FBXO21: variants seen among roughly 807,000 people sequenced by gnomAD.
FBXO21 encodes F-box protein 21, also known as F-box only protein 21.
In FBXO21, 32 loss-of-function variants were observed where a neutral mutation model predicts 76.6. The ratio of observed to expected loss-of-function variants is 0.42; its 90% CI spans 0.32 to 0.56. The LOEUF (loss-of-function observed/expected upper bound fraction) is 0.56, where lower values mean the gene tolerates loss of function less well. Ranked by LOEUF, FBXO21 falls within the 20% of genes least tolerant of loss-of-function variation. The probability of loss-of-function intolerance (pLI) is 0.16; values close to 1 mark genes in which losing one functional copy is unlikely to be tolerated. For missense variants in FBXO21, 586 were observed against 797.3 expected, an observed-to-expected ratio of 0.73 and a Z score of 3.19; for synonymous variants, 328 against 311.5, an observed-to-expected ratio of 1.05 and a Z score of -0.56.
At chr12:117,187,016 T>C (rs1187874535) in intron 2 of FBXO21, among the ~76,000 whole-genome samples, 1 of 152,028 alleles carries the variant, frequency 6.6e-6, no homozygotes, top group Non-Finnish European at 1.5e-5. Flanking sequence ...CTTGGGAGGC[T>C]GAGGCAGGAG....
intron 11 of FBXO21, among the ~76,000 whole-genome samples, chr12:117,147,527 G>A (rs1165636593): frequency 1.3e-5 from 2 of 150,160 alleles, no homozygotes; most frequent in Non-Finnish European, 3.0e-5. Context: ...GAACCTGGGA[G>A]GCGGAGGTTG....
intron 11 of FBXO21, among the ~76,000 whole-genome samples, chr12:117,147,157 G>A (rs1343936348): frequency 2.0e-5 from 3 of 151,788 alleles, no homozygotes; most frequent in South Asian, 2.1e-4. Flanking sequence ...CAGGAAAATC[G>A]CTTGAACCTG....
At chr12:117,179,304 G>C (rs1364507666) in intron 3 of FBXO21, among the ~76,000 whole-genome samples, 1 of 152,108 alleles carries the variant, frequency 6.6e-6, no homozygotes, top group Non-Finnish European at 1.5e-5. Context: ...GCCCTCCGGG[G>C]CCCCCCGCAA....
intron 2 of FBXO21, among the ~76,000 whole-genome samples, chr12:117,188,333 C>G (rs1383939498): frequency 6.6e-6 from 1 of 152,102 alleles, no homozygotes; most frequent in Non-Finnish European, 1.5e-5. Flanking sequence ...TCACTTGAGA[C>G]CAGGTGTTCA....
intron 3 of FBXO21, among the ~76,000 whole-genome samples, chr12:117,182,527 G>A (rs1285444067): frequency 7.1e-6 from 1 of 139,992 alleles, no homozygotes; most frequent in South Asian, 2.6e-4. Context: ...GCTCACACCT[G>A]TAATCCCAGC....
At chr12:117,174,155 GTTACTATACCTATA>G in intron 6 of FBXO21, 36 bp downstream of exon 6, 1 of 1,465,764 alleles carries the variant, frequency 6.8e-7, no homozygotes, top group Admixed American at 1.8e-5. Flanking sequence ...GAAAAAAAAA[GTTACTATACCTATA>G]TTACTATACC....
At chr12:117,188,896 C>T (rs1247830906) in intron 2 of FBXO21, 1 of 247,638 alleles carries the variant, frequency 4.0e-6, no homozygotes, top group East Asian at 8.7e-5. Flanking sequence ...CCCCAAATAA[C>T]GGAGGGGTTG....
intron 11 of FBXO21, 55 bp downstream of exon 11, chr12:117,155,736 G>C (rs1180382647): frequency 1.9e-6 from 3 of 1,556,662 alleles, no homozygotes; most frequent in Admixed American, 1.9e-5. Flanking sequence ...GGGCTCAAAC[G>C]TGCGCTGAAA....
intron 1 of FBXO21, among the ~76,000 whole-genome samples, chr12:117,189,770 G>A (rs967604186): frequency 6.6e-6 from 1 of 152,134 alleles, no homozygotes; most frequent in Non-Finnish European, 1.5e-5. Flanking sequence ...CAAAAAAAGG[G>A]AAGTCGCTCC....
At chr12:117,176,934 A>G (rs1956181069) in intron 4 of FBXO21, among the ~76,000 whole-genome samples, 1 of 150,946 alleles carries the variant, frequency 6.6e-6, no homozygotes, top group African/African-American at 2.4e-5. Flanking sequence ...ATTTATGGGA[A>G]TGTTTGTGTA....
chr12:117,159,920 A>C (rs1024770860), intron 9 of FBXO21, among the ~76,000 whole-genome samples: 8 of 152,196 alleles, frequency 5.3e-5, no homozygotes, highest in South Asian at 2.1e-4. Context: ...GAGGGCAGAA[A>C]TGAAGACATT....
intron 6 of FBXO21, among the ~76,000 whole-genome samples, chr12:117,173,021 C>T (rs1014245500): frequency 1.2e-4 from 18 of 151,540 alleles, no homozygotes; most frequent in Admixed American, 1.2e-3. Flanking sequence ...CTACATGGCC[C>T]TCAATGCTGA....
At chr12:117,161,752 G>C (rs1955979377) in intron 9 of FBXO21, among the ~76,000 whole-genome samples, 1 of 152,140 alleles carries the variant, frequency 6.6e-6, no homozygotes, top group African/African-American at 2.4e-5. Flanking sequence ...CACAAGAAGA[G>C]GGGAACTGTC....
intron 11 of FBXO21, among the ~76,000 whole-genome samples, chr12:117,147,711 G>C (rs746306460): frequency 6.6e-6 from 1 of 152,102 alleles, no homozygotes; most frequent in African/African-American, 2.4e-5. Context: ...GTTAAAGGAC[G>C]GTGCTTTGTG....
chr12:117,156,895 C>T (rs1489559028), intron 10 of FBXO21, among the ~76,000 whole-genome samples: 3 of 152,086 alleles, frequency 2.0e-5, no homozygotes, highest in East Asian at 1.9e-4. Flanking sequence ...AAAAAATACA[C>T]GAAATGGGCT....
chr12:117,143,808 A>C lies in FBXO21; in HGVS notation c.*2279T>G, dbSNP rs1005928070. ...TTTCTCTGGATAAGTTCCATTTATT[A>C]ATCATTGTACAAAAAAATCTTGGCA... On this transcript the variant is annotated 3_prime_UTR_variant, in exon 12 of 12. Coordinates refer to ENST00000622495, the MANE Select transcript of FBXO21 (RefSeq NM_015002.3). 5.2e-5 allele frequency: 8 copies of C among 152,656 alleles called. No homozygotes were observed. Among genetic ancestry groups the C allele is most frequent in the African/African-American group, 1.9e-4 (8 of 41,452 alleles). The allele number at this position is 152,656 out of a possible 1,614,324, so 9.5% of individuals were successfully genotyped here. A position where few individuals can be genotyped will look rare whatever the true frequency, so the allele number is the denominator to read the frequency against.
At chr12:117,183,466 G>C (rs1956255148) in intron 3 of FBXO21, among the ~76,000 whole-genome samples, 1 of 152,070 alleles carries the variant, frequency 6.6e-6, no homozygotes, top group South Asian at 2.1e-4. Context: ...CATCATGTTG[G>C]CCAGGCTGGT....
chr12:117,157,578 G>A (rs1955930732), intron 10 of FBXO21, among the ~76,000 whole-genome samples: 1 of 152,124 alleles, frequency 6.6e-6, no homozygotes, highest in African/African-American at 2.4e-5. Context: ...GTCTTACAAA[G>A]TTACTTCCAT....
At chr12:117,162,138 T>C (rs1199664676) in intron 9 of FBXO21, among the ~76,000 whole-genome samples, 1 of 152,078 alleles carries the variant, frequency 6.6e-6, no homozygotes, top group Non-Finnish European at 1.5e-5. Flanking sequence ...GTGCTTTTTG[T>C]TTTTCTTCTA....
Sources: allele counts gnomAD v4.1 joint callset (sites outside exome capture counted in the v4.1 genomes callset), GRCh38; gene constraint gnomAD v4.1.1; transcripts MANE v1.5; gene names NCBI Gene and HGNC (gene_info 2026-07-23, HGNC 2026-07-21).